DCDC2C: variants seen among roughly 807,000 people sequenced by gnomAD.
DCDC2C encodes the protein doublecortin domain-containing protein 2C.
A neutral mutation model predicts 45.0 loss-of-function variants in DCDC2C; 44 were observed. The ratio of observed to expected loss-of-function variants is 0.98; its 90% confidence interval spans 0.77 to 1.26. DCDC2C has a LOEUF of 1.26. Among genes scored for constraint, DCDC2C ranks in the 50% most tolerant of loss-of-function variants. The pLI is 0.00. For missense variants in DCDC2C, 447 were observed against 468.9 expected (o/e 0.95, Z 0.43); for synonymous variants, 187 against 178.8 (o/e 1.05, Z -0.37).
At chr2:3,732,687 G>A (rs929804220) in intron 3 of DCDC2C, among the ~76,000 whole-genome samples, 2 of 152,154 alleles carry the variant, frequency 1.3e-5, no homozygotes, top group African/African-American at 2.4e-5. Flanking sequence ...AGTGTCTGAG[G>A]ATGTCAGACT....
intron 5 of DCDC2C, 141 bp from the exon 6 acceptor site, chr2:3,754,451 G>T (rs1445425303): frequency 3.4e-5 from 24 of 709,916 alleles, no homozygotes; most frequent in Non-Finnish European, 5.4e-5. Context: ...AATCATTGTT[G>T]CCATGAGCCG....
intron 10 of DCDC2C, among the ~76,000 whole-genome samples, chr2:3,792,283 C>A (rs11902053): frequency 0.053 from 8,140 of 152,240 alleles, 737 homozygotes; most frequent in African/African-American, 0.19. Context: ...GCCGGATGGT[C>A]TTCTCTGAGC....
intron 2 of DCDC2C, among the ~76,000 whole-genome samples, chr2:3,720,281 A>G (rs141356131): frequency 2.6e-5 from 4 of 152,350 alleles, no homozygotes; most frequent in Admixed American, 6.5e-5. Flanking sequence ...AGCAAGAGTC[A>G]GCTGCGGAAA....
intron 10 of DCDC2C, among the ~76,000 whole-genome samples, chr2:3,804,854 T>C (rs1428019635): frequency 6.6e-6 from 1 of 152,228 alleles, no homozygotes; most frequent in African/African-American, 2.4e-5. Flanking sequence ...TAATGCGGAT[T>C]GAGGAAAAGT....
In DCDC2C at chr2:3,791,212, A is replaced by G. The variant is rs1670802170; in HGVS notation, c.1065+6112A>G. ...ATAATAGGAGAAAGATTTTCACTTA[A>G]AAACAGAAAAGATGCTCTGGGCAGT... On this transcript the variant is annotated intron_variant, in intron 10 of 10. Coordinates refer to ENST00000399143, the MANE Select transcript of DCDC2C (RefSeq NM_001287444.2). Among the ~76,000 whole-genome samples, 3 of 152,382 alleles carry G rather than the reference A, an allele frequency of 2.0e-5. No homozygotes were observed. The South Asian group carries it at 6.2e-4, about 32-fold the overall frequency.
At chr2:3,837,482 G>A (rs1367802328) in intron 10 of DCDC2C, among the ~76,000 whole-genome samples, 1 of 152,192 alleles carries the variant, frequency 6.6e-6, no homozygotes, top group East Asian at 1.9e-4. Flanking sequence ...AGCACACACT[G>A]GGGCAGTGGC....
At chr2:3,706,468 G>T (rs1283233462) in intron 1 of DCDC2C, among the ~76,000 whole-genome samples, 5 of 152,086 alleles carry the variant, frequency 3.3e-5, no homozygotes, top group Admixed American at 2.0e-4. Flanking sequence ...ATAAAGCCTA[G>T]AATTAATATT....
At chr2:3,779,972 C>G (rs1400228019) in intron 9 of DCDC2C, among the ~76,000 whole-genome samples, 1 of 152,092 alleles carries the variant, frequency 6.6e-6, no homozygotes, top group Non-Finnish European at 1.5e-5. Flanking sequence ...TTAGAAAACA[C>G]CAAAGCAGCT....
In DCDC2C at chr2:3,760,352, T is replaced by A. The variant is rs527503956; in HGVS notation, c.726+5718T>A. Among the ~76,000 whole-genome samples the A allele has an allele frequency of 5.3e-5, 8 of 152,330 alleles. No individual in the cohort carries two copies. In the East Asian group the frequency reaches 1.2e-3, roughly 22 times the overall value. ...GGGTATATACCCAAAGGATTATAAA[T>A]CATTCTGCTATAAAGACACATGCAC... On this transcript the variant is annotated intron_variant, in intron 6 of 10. Transcript: ENST00000399143.
At chr2:3,742,392 G>A (rs1230259628) in intron 4 of DCDC2C, among the ~76,000 whole-genome samples, 2 of 152,194 alleles carry the variant, frequency 1.3e-5, no homozygotes, top group Non-Finnish European at 2.9e-5. Flanking sequence ...CTCTCAGTTG[G>A]TCTGGAGGAG....
chr2:3,707,002 C>A (rs1317165910), intron 1 of DCDC2C, among the ~76,000 whole-genome samples: 1 of 152,224 alleles, frequency 6.6e-6, no homozygotes, highest in Non-Finnish European at 1.5e-5. Flanking sequence ...CACGGATTCT[C>A]ATGGGTGGTT....
intron 1 of DCDC2C, among the ~76,000 whole-genome samples, chr2:3,706,195 C>G (rs1365246956): frequency 6.6e-6 from 1 of 152,166 alleles, no homozygotes; most frequent in African/African-American, 2.4e-5. Flanking sequence ...AAATAATATT[C>G]TAATTGTGTC....
At chr2:3,756,822 G>A (rs889672204) in intron 6 of DCDC2C, among the ~76,000 whole-genome samples, 2 of 152,160 alleles carry the variant, frequency 1.3e-5, no homozygotes, top group Non-Finnish European at 2.9e-5. Context: ...TCCTTCTCTG[G>A]CTTTTGTTGC....
chr2:3,714,367 T>C (rs2148050777), intron 2 of DCDC2C, among the ~76,000 whole-genome samples: 1 of 152,312 alleles, frequency 6.6e-6, no homozygotes, highest in Non-Finnish European at 1.5e-5. Context: ...GAGAAAAGTG[T>C]CCTTGGTCTT....
chr2:3,812,398 A>G (rs1671421394), intron 10 of DCDC2C, among the ~76,000 whole-genome samples: 1 of 151,966 alleles, frequency 6.6e-6, no homozygotes, highest in Non-Finnish European at 1.5e-5. Flanking sequence ...CTCTGATGCT[A>G]GTTTGTATTT....
intron 3 of DCDC2C, among the ~76,000 whole-genome samples, chr2:3,730,860 G>A (rs1431298610): frequency 1.3e-5 from 2 of 152,172 alleles, no homozygotes; most frequent in African/African-American, 4.8e-5. Context: ...GTTGATCACG[G>A]CCCTCACTCT....
rs998357576 is a variant in DCDC2C, at chr2:3,752,940, A to G, written c.683+40A>G. The G allele has an allele frequency of 4.6e-6, 7 of 1,537,782 alleles. No homozygotes were observed. The African/African-American group carries it at 9.7e-5, about 21-fold the overall frequency. ...TACCTTTCTTTCCTGAGTTTTGGAA[A>G]AAAATTAGCCTTTTCCCCAGTATCT... On this transcript the variant is annotated intron_variant, in intron 5 of 10. Transcript: ENST00000399143.
At chr2:3,726,406 G>A (rs1260233051) in intron 2 of DCDC2C, among the ~76,000 whole-genome samples, 15 of 152,120 alleles carry the variant, frequency 9.9e-5, no homozygotes, top group Admixed American at 9.8e-4. Flanking sequence ...ACCTGGGACA[G>A]GTCTCAGTAG....
intron 10 of DCDC2C, among the ~76,000 whole-genome samples, chr2:3,819,586 G>A (rs1025510520): frequency 2.0e-5 from 3 of 152,186 alleles, no homozygotes; most frequent in African/African-American, 7.2e-5. Flanking sequence ...TTAATGTCAG[G>A]AGCAGATTGG....
Sources: allele counts gnomAD v4.1 joint callset (sites outside exome capture counted in the v4.1 genomes callset), GRCh38; gene constraint gnomAD v4.1.1; transcripts MANE v1.5; gene names NCBI Gene and HGNC (gene_info 2026-07-23, HGNC 2026-07-21).